PLK5: variants seen among roughly 807,000 people sequenced by gnomAD.
PLK5 encodes the protein polo like kinase 5 (inactive).
A neutral mutation model predicts 33.7 loss-of-function variants in PLK5; 28 were observed. The observed-to-expected ratio is 0.83, with a 90% CI of 0.62 to 1.14. PLK5 has a LOEUF of 1.14. PLK5 is among the 50% of genes most tolerant of loss of function. The probability of loss-of-function intolerance (pLI) is 0.00; values close to 1 mark genes in which losing one functional copy is unlikely to be tolerated. For synonymous variants in PLK5, 225 were observed against 202.2 expected, an observed-to-expected ratio of 1.11 and a Z score of -0.96; for missense variants, 492 against 461.5, an observed-to-expected ratio of 1.07 and a Z score of -0.61.
At chr19:1,533,766 T>C in intron 12 of PLK5, 165 bp from the exon 13 acceptor site, 1 of 623,942 alleles carries the variant, frequency 1.6e-6, no homozygotes, top group Non-Finnish European at 2.8e-6. Flanking sequence ...GCCTTCGCCC[T>C]GAGGGATGTG....
chr19:1,534,889 C>T (rs893688373), intron 13 of PLK5, among the ~76,000 whole-genome samples, 176 bp from the exon 14 acceptor site: 10 of 152,120 alleles, frequency 6.6e-5, no homozygotes, highest in African/African-American at 2.4e-4. Flanking sequence ...TCAGTTTCCC[C>T]AGGTGTACAG....
chr19:1,530,914 A>G (rs1913910702), intron 11 of PLK5, among the ~76,000 whole-genome samples: 1 of 151,352 alleles, frequency 6.6e-6, no homozygotes. Context: ...CACCGCGCCC[A>G]GCCTCAGGAC....
At chr19:1,529,686 T>C in intron 10 of PLK5, 61 bp from the exon 11 acceptor site, 1 of 1,502,642 alleles carries the variant, frequency 6.7e-7, no homozygotes, top group Non-Finnish European at 9.0e-7. Flanking sequence ...GGGGGACTGG[T>C]TGGAAGAGCC....
chr19:1,526,667 G>T, intron 4 of PLK5, 37 bp from the exon 5 acceptor site: 1 of 421,790 alleles, frequency 2.4e-6, no homozygotes, highest in South Asian at 2.2e-5. Context: ...GGTGGGCACG[G>T]ATCCACCCCC....
At chr19:1,534,288 C>T (rs567001481) in intron 13 of PLK5, among the ~76,000 whole-genome samples, 15 of 152,096 alleles carry the variant, frequency 9.9e-5, no homozygotes, top group Admixed American at 5.9e-4. Flanking sequence ...GCGGGCAGAT[C>T]GCAAGGTGAA....
chr19:1,524,428 T>G lies in PLK5; in HGVS notation c.-544+182T>G, dbSNP rs1439607099. Among the ~76,000 whole-genome samples the G allele has an allele frequency of 6.6e-6, 1 of 152,036 alleles. No homozygotes were observed. Among genetic ancestry groups the G allele is most frequent in the East Asian group, 1.9e-4 (1 of 5,168 alleles). ...GGGTTTCGCATGGCGGGAACCGTGTTGAGCGCGCTGTGCGTCGTGTCCGTG... is the reference window on the plus strand; with the variant it reads ...GGGTTTCGCATGGCGGGAACCGTGTGGAGCGCGCTGTGCGTCGTGTCCGTG... On this transcript the variant is annotated intron_variant, in intron 1 of 13. Transcript: ENST00000454744. This position sits in a 1 kb window ranked among gnomAD's most constrained non-coding sequence, Gnocchi z 4.5.
chr19:1,529,249 C>T (rs1234812190), intron 9 of PLK5, among the ~76,000 whole-genome samples, 157 bp from the exon 10 acceptor site: 1 of 152,182 alleles, frequency 6.6e-6, no homozygotes, highest in Admixed American at 6.5e-5. Context: ...TACTGTATGC[C>T]TCCGAGACAC....
intron 11 of PLK5, 60 bp downstream of exon 11, chr19:1,529,884 T>C (rs1913878072): frequency 6.7e-7 from 1 of 1,485,386 alleles, no homozygotes; most frequent in Non-Finnish European, 9.0e-7. Flanking sequence ...TAAAATTGCC[T>C]TCATTCCCAT....
intron 12 of PLK5, 101 bp downstream of exon 12, chr19:1,531,984 A>G: frequency 7.8e-7 from 1 of 1,279,966 alleles, no homozygotes; most frequent in Admixed American, 3.5e-5. Flanking sequence ...GCACACCTAC[A>G]GGTGCTCCCT....
At chr19:1,526,851 G>T (rs1599302940) in intron 5 of PLK5, 52 bp from the exon 6 acceptor site, 1 of 1,043,568 alleles carries the variant, frequency 9.6e-7, no homozygotes, top group East Asian at 2.6e-5. Context: ...TGGCCCTGAA[G>T]TCTGGCACGG....
At chr19:1,531,640 A>T in intron 11 of PLK5, 98 bp from the exon 12 acceptor site, 1 of 1,396,976 alleles carries the variant, frequency 7.2e-7, no homozygotes, top group Non-Finnish European at 9.5e-7. Context: ...CGCCGTGGGA[A>T]GGGTCTCACC....
intron 1 of PLK5, 31 bp from the exon 2 acceptor site, chr19:1,525,274 T>C (rs1025892204): frequency 5.2e-5 from 8 of 152,878 alleles, no homozygotes; most frequent in African/African-American, 1.7e-4. Flanking sequence ...CGTGCACACC[T>C]GCCCACTGAT....
intron 9 of PLK5, 25 bp from the exon 10 acceptor site, chr19:1,529,378 ACCC>A: frequency 6.6e-7 from 1 of 1,523,014 alleles, no homozygotes; most frequent in Non-Finnish European, 8.8e-7. Context: ...GGCCGGGGCC[ACCC>A]CCACCCCTGC....
At position 1,526,968 on chromosome 19, in the gene PLK5, A is replaced by G; in HGVS notation, c.-29A>G. On this transcript the variant is annotated 5_prime_UTR_variant, in exon 6 of 14. Transcript: ENST00000454744. Reference sequence around the variant, plus strand: ...GTCTCCAGAAACGGTCACTCCTGCCAGTAGGACATCTGGGCTCTGGGCTGC... The same window carrying G: ...GTCTCCAGAAACGGTCACTCCTGCCGGTAGGACATCTGGGCTCTGGGCTGC... The G allele has an allele frequency of 6.6e-7, 1 of 1,520,592 alleles. No homozygotes were observed. The highest frequency in any genetic ancestry group is 8.8e-7 in the Non-Finnish European group (1 of 1,137,392). The allele number at this position is 1,520,592 out of a possible 1,614,324, so 94.2% of individuals were successfully genotyped here.
chr19:1,528,716 T>TACGCCTGCTACCTGCCC (rs1321953869), intron 8 of PLK5, among the ~76,000 whole-genome samples, 182 bp from the exon 9 acceptor site: 1 of 96,154 alleles, frequency 1.0e-5, no homozygotes, highest in South Asian at 3.8e-4. Flanking sequence ...CACACCTGCC[T>TACGCCTGCTACCTGCCC]ACGCCTGCTA....
At chr19:1,532,521 CTTTTT>C (rs10545181) in intron 12 of PLK5, among the ~76,000 whole-genome samples, 38 of 118,784 alleles carry the variant, frequency 3.2e-4, no homozygotes, top group African/African-American at 7.9e-4. Flanking sequence ...AAATTTTCTT[CTTTTT>C]TTTTTTTTTT....
At chr19:1,531,692 G>T in intron 11 of PLK5, 46 bp from the exon 12 acceptor site, 2 of 1,528,260 alleles carry the variant, frequency 1.3e-6, no homozygotes, top group East Asian at 2.5e-5. Flanking sequence ...CCTACTATAT[G>T]CCTGACCCCT....
intron 12 of PLK5, among the ~76,000 whole-genome samples, chr19:1,532,180 A>G (rs1218836367): frequency 6.6e-6 from 1 of 152,172 alleles, no homozygotes; most frequent in Non-Finnish European, 1.5e-5. Context: ...AGGCCAAGGC[A>G]GGATTCCTTG....
At chr19:1,531,681 G>A (rs1913932438) in intron 11 of PLK5, 57 bp from the exon 12 acceptor site, 3 of 1,514,272 alleles carry the variant, frequency 2.0e-6, no homozygotes, top group Non-Finnish European at 1.8e-6. Flanking sequence ...TTTATTGAGT[G>A]CCTACTATAT....
Sources: gnomAD v4.1 joint callset for allele counts (sites outside exome capture counted in the v4.1 genomes callset) on GRCh38, gnomAD v4.1.1 for gene constraint, Gnocchi (gnomAD v3.1) non-coding constraint, MANE v1.5 for transcripts, NCBI Gene and HGNC (gene_info 2026-07-23, HGNC 2026-07-21) for gene names.